Variants in DRC7 observed in about 807,000 individuals in gnomAD.
The protein encoded by DRC7 is dynein regulatory complex subunit 7, also known as coiled-coil domain containing 135.
Under a neutral mutation model 104.4 loss-of-function variants are expected in DRC7, and 80 were observed. The observed-to-expected ratio is 0.77, with a 90% CI of 0.64 to 0.92. The LOEUF (loss-of-function observed/expected upper bound fraction) is 0.92. DRC7 is among the 40% of genes least tolerant of loss of function. The probability of loss-of-function intolerance (pLI) is 0.00; values close to 1 mark genes in which losing one functional copy is unlikely to be tolerated. For missense variants in DRC7, 1,034 were observed against 1,141.1 expected (o/e 0.91, Z 1.35); for synonymous variants, 405 against 447.3 (o/e 0.91, Z 1.19).
chr16:57,717,296 G>A (rs1385999029), intron 8 of DRC7, among the ~76,000 whole-genome samples: 1 of 144,466 alleles, frequency 6.9e-6, no homozygotes, highest in African/African-American at 2.6e-5. Context: ...GTACAGTGGT[G>A]TGTTCACAGC....
chr16:57,728,616 G>T, intron 17 of DRC7, 32 bp downstream of exon 17: 1 of 1,517,448 alleles, frequency 6.6e-7, no homozygotes, highest in Non-Finnish European at 8.9e-7. Context: ...GGGAGGGGGG[G>T]ATCTCAGCAT....
intron 9 of DRC7, among the ~76,000 whole-genome samples, chr16:57,720,088 C>T (rs1214237827): frequency 1.3e-5 from 2 of 151,934 alleles, no homozygotes; most frequent in Non-Finnish European, 2.9e-5. Flanking sequence ...ATCTACTTAA[C>T]CTGAAGTAAC....
chr16:57,707,768 G>A (rs1374581116), intron 8 of DRC7, 90 bp downstream of exon 8: 2 of 1,203,356 alleles, frequency 1.7e-6, no homozygotes, highest in Admixed American at 3.9e-5. Context: ...ACCTTGGGGA[G>A]AGCGAGACAC....
rs771456695 is a variant in DRC7, at chr16:57,722,736, G to C, written c.1303G>C (p.Gly435Arg). 1.4e-5 allele frequency: 23 copies of C among 1,613,680 alleles called. No homozygotes were observed. The highest frequency in any genetic ancestry group is 1.6e-5 in the Non-Finnish European group (19 of 1,180,008). Residue 435 changes from glycine to arginine, a missense_variant, in exon 11 of 19, where the codon GGG becomes CGG. Coordinates refer to ENST00000360716, the MANE Select transcript of DRC7 (RefSeq NM_001289162.2). ...AGCATTTGAGACCCGCTGCCCGAAC[G>C]GGAAGAAGGTGATTCAGTACAAGAG... is the stretch of plus-strand genomic sequence containing the variant. The part of the protein sequence containing the change: ...PEAFETRCPN[G>R]KKVIQYKRAK...
chr16:57,700,152 T>G lies in DRC7; in HGVS notation c.386T>G (p.Val129Gly). Reference protein sequence around the residue: ...PLNECEVPKFVSTTLRPTLMP... With the variant: ...PLNECEVPKFGSTTLRPTLMP... ...CCATCTCTCTCCTTGCAGAAGTTCG[T>G]GAGCACAACCCTCCGGCCCACACTG... The change falls in exon 5 of 19, where the codon GTG (valine) becomes GGG (glycine). Residue 129 changes from valine to glycine, a missense_variant. Physicochemically the swap from Val to Gly is moderately radical, Grantham distance 109 (BLOSUM62 -3). Transcript: ENST00000360716. 2.5e-6 allele frequency: 4 copies of G among 1,613,750 alleles called. No homozygotes were observed. The highest frequency in any genetic ancestry group is 3.4e-6 in the Non-Finnish European group (4 of 1,179,666).
chr16:57,698,210 A>G, intron 3 of DRC7, 58 bp downstream of exon 3: 1 of 1,608,670 alleles, frequency 6.2e-7, no homozygotes, highest in Non-Finnish European at 8.5e-7. Flanking sequence ...GCACAGGGAG[A>G]CCCAGGCAGA....
intron 10 of DRC7, among the ~76,000 whole-genome samples, chr16:57,722,036 CT>C (rs1490396839): frequency 2.0e-5 from 3 of 152,230 alleles, no homozygotes; most frequent in Admixed American, 1.3e-4. Flanking sequence ...GCCCATTCCC[CT>C]CTCACACTCT....
chr16:57,726,995 A>G, intron 15 of DRC7, 53 bp downstream of exon 15: 2 of 1,136,714 alleles, frequency 1.8e-6, no homozygotes, highest in Non-Finnish European at 2.6e-6. Context: ...TTTTTGAGAT[A>G]GGGTCTCGCT....
chr16:57,709,128 C>CAAA (rs10536559), intron 8 of DRC7, among the ~76,000 whole-genome samples: 1 of 107,626 alleles, frequency 9.3e-6, no homozygotes, highest in Non-Finnish European at 2.1e-5. Context: ...GACTCTGTCT[C>CAAA]AAAAAAAAAA....
rs1217867320 is a variant in DRC7 at position 57,698,065 on chromosome 16, A to G, written c.116A>G (p.Lys39Arg). 6.2e-7 allele frequency: 1 copy of G among 1,614,178 alleles called. No individual in the cohort carries two copies. The highest frequency in any genetic ancestry group is 2.2e-5 in the East Asian group (1 of 44,886). The change falls in exon 3 of 19, where the codon AAG (lysine) becomes AGG (arginine). Residue 39 changes from lysine to arginine, a missense_variant. Physicochemically the swap from Lys to Arg is conservative, Grantham distance 26 (BLOSUM62 2). Transcript: ENST00000360716. ...EKMMRPVEVRKEEITLKQETL... is the reference protein window; with the variant it reads ...EKMMRPVEVRREEITLKQETL... ...ATGATGAGGCCAGTTGAGGTGCGGA[A>G]GGAGGAAATCACCTTAAAGCAGGAG...
chr16:57,699,099 G>T (rs1302920897), intron 4 of DRC7, 75 bp downstream of exon 4: 2 of 1,526,348 alleles, frequency 1.3e-6, no homozygotes, highest in Non-Finnish European at 1.8e-6. Context: ...AGTGGGGCAG[G>T]TTCTCCAAGG....
chr16:57,721,801 G>A, intron 10 of DRC7, 62 bp downstream of exon 10: 5 of 1,301,526 alleles, frequency 3.8e-6, no homozygotes, highest in Non-Finnish European at 5.5e-6. Context: ...CTCCAGAGAG[G>A]TCTGCAACAG....
intron 4 of DRC7, among the ~76,000 whole-genome samples, chr16:57,699,715 G>A (rs1414329473): frequency 6.6e-6 from 1 of 152,108 alleles, no homozygotes; most frequent in East Asian, 1.9e-4. Context: ...GGAGAGCACA[G>A]TGCTCCCAGG....
chr16:57,721,929 C>T (rs1171640150), intron 10 of DRC7, among the ~76,000 whole-genome samples, 190 bp downstream of exon 10: 7 of 151,764 alleles, frequency 4.6e-5, no homozygotes, highest in African/African-American at 9.7e-5. Context: ...GCTCTGACCC[C>T]GAGGGCCTGA....
At position 57,698,698 on chromosome 16, in the gene DRC7, T is replaced by C. The variant is rs549944530; in HGVS notation, c.204-152T>C. ...GAGCAAGACCTGTCTCTTAAATATATATATGAAAATGTGCAGATGTTAATG... is the reference window on the plus strand; with the variant it reads ...GAGCAAGACCTGTCTCTTAAATATACATATGAAAATGTGCAGATGTTAATG... On this transcript the variant is annotated intron_variant, in intron 3 of 18. Coordinates refer to ENST00000360716, the MANE Select transcript of DRC7 (RefSeq NM_001289162.2). 27 of 718,232 alleles carry C rather than the reference T, an allele frequency of 3.8e-5. No homozygotes were observed. The South Asian group carries it at 4.8e-4, about 13-fold the overall frequency. The allele number at this position is 718,232 out of a possible 1,614,324, so 44.5% of individuals were successfully genotyped here. A position where few individuals can be genotyped will look rare whatever the true frequency, so the allele number is the denominator to read the frequency against.
At chr16:57,712,698 G>A (rs1371237606) in intron 8 of DRC7, among the ~76,000 whole-genome samples, 6 of 150,864 alleles carry the variant, frequency 4.0e-5, no homozygotes, top group African/African-American at 7.3e-5. Flanking sequence ...ACAGAGTTTC[G>A]CTCTTGTTGC....
chr16:57,704,834 G>A (rs781348153), intron 6 of DRC7, 42 bp from the exon 7 acceptor site: 38 of 1,603,666 alleles, frequency 2.4e-5, no homozygotes, highest in Non-Finnish European at 2.9e-5. Context: ...TGTAAAGGGG[G>A]GATGCAGGGC....
chr16:57,700,550 G>A (rs1380651833), intron 5 of DRC7, among the ~76,000 whole-genome samples: 9 of 151,686 alleles, frequency 5.9e-5, no homozygotes, highest in African/African-American at 1.9e-4. Context: ...GGGAGGCTGA[G>A]GCAGGAGAAT....
intron 15 of DRC7, 143 bp from the exon 16 acceptor site, chr16:57,727,156 A>G: frequency 1.4e-6 from 1 of 725,832 alleles, no homozygotes; most frequent in Non-Finnish European, 2.4e-6. Context: ...GTTTTTTAAC[A>G]GATGGGGTTT....
Sources: allele counts gnomAD v4.1 joint callset (sites outside exome capture counted in the v4.1 genomes callset), GRCh38; gene constraint gnomAD v4.1.1; transcripts MANE v1.5; gene names NCBI Gene and HGNC (gene_info 2026-07-23, HGNC 2026-07-21).